CDH13: variants seen among roughly 807,000 people sequenced by gnomAD.
CDH13 encodes the protein cadherin-13.
CDH13 carries 24 observed loss-of-function variants against 63.8 expected under a neutral mutation model. The ratio of observed to expected loss-of-function variants is 0.38; its 90% CI spans 0.27 to 0.53. The LOEUF (loss-of-function observed/expected upper bound fraction) is 0.53. CDH13 is among the 20% of genes least tolerant of loss of function. CDH13 has a pLI of 0.85. For synonymous variants in CDH13, 503 were observed against 355.3 expected, an observed-to-expected ratio of 1.42 and a Z score of -4.67; for missense variants, 1,049 against 903.1, an observed-to-expected ratio of 1.16 and a Z score of -2.07.
intron 5 of CDH13, among the ~76,000 whole-genome samples, chr16:83,306,315 G>A (rs1043278364): frequency 2.6e-5 from 4 of 152,172 alleles, no homozygotes; most frequent in South Asian, 2.1e-4. Context: ...TGGGGGTGTC[G>A]GGAGCGGGGA....
At chr16:83,616,932 T>A (rs1018182662) in intron 8 of CDH13, among the ~76,000 whole-genome samples, 2 of 152,198 alleles carry the variant, frequency 1.3e-5, no homozygotes, top group African/African-American at 2.4e-5. Flanking sequence ...CACACTCTGT[T>A]CCCTTCTTCC....
At chr16:83,102,134 T>G (rs1446781265) in intron 3 of CDH13, among the ~76,000 whole-genome samples, 1 of 152,164 alleles carries the variant, frequency 6.6e-6, no homozygotes, top group Non-Finnish European at 1.5e-5. Context: ...AGCCAAGGAA[T>G]GCAGGCAGCC....
chr16:83,211,766 C>G (rs542045305), intron 4 of CDH13, among the ~76,000 whole-genome samples: 40 of 151,392 alleles, frequency 2.6e-4, no homozygotes, highest in African/African-American at 9.3e-4. Flanking sequence ...CTCCCCCCCC[C>G]AAACAGCCAG....
chr16:82,866,885 T>G (rs1051941172), intron 2 of CDH13, among the ~76,000 whole-genome samples: 3 of 152,166 alleles, frequency 2.0e-5, no homozygotes, highest in Non-Finnish European at 4.4e-5. Context: ...CCTCCATGAT[T>G]CAATGACCTC....
chr16:82,777,174 A>G (rs374467163), intron 1 of CDH13, among the ~76,000 whole-genome samples: 32 of 152,184 alleles, frequency 2.1e-4, no homozygotes, highest in African/African-American at 7.0e-4. Context: ...TCACTGTGTT[A>G]CCCAGAGTGG....
intron 3 of CDH13, among the ~76,000 whole-genome samples, chr16:83,057,298 G>A (rs1232200058): frequency 6.6e-6 from 1 of 152,122 alleles, no homozygotes; most frequent in African/African-American, 2.4e-5. Flanking sequence ...CCTGAGAACA[G>A]ACTAATACTT....
At chr16:83,344,837 T>TC in intron 5 of CDH13, 25 bp from the exon 6 acceptor site, 1 of 1,611,180 alleles carries the variant, frequency 6.2e-7, no homozygotes, top group Non-Finnish European at 8.5e-7. Context: ...ATCTTCTTTC[T>TC]CCCCCAATCT....
chr16:83,420,397 A>G (rs1215829359), intron 6 of CDH13, among the ~76,000 whole-genome samples: 1 of 152,146 alleles, frequency 6.6e-6, no homozygotes, highest in African/African-American at 2.4e-5. Context: ...CAAAGGAAAA[A>G]TTGTTCAGTA....
At chr16:83,535,037 A>G (rs1256327547) in intron 7 of CDH13, among the ~76,000 whole-genome samples, 2 of 152,250 alleles carry the variant, frequency 1.3e-5, no homozygotes, top group Non-Finnish European at 2.9e-5. Context: ...TTTGCCATAT[A>G]AGGTAACACT....
chr16:83,260,097 T>TGCGCAC (rs1358317107), intron 5 of CDH13, among the ~76,000 whole-genome samples: 9 of 126,476 alleles, frequency 7.1e-5, no homozygotes, highest in African/African-American at 2.6e-4. Flanking sequence ...GTACCCCCAA[T>TGCGCAC]ACACACACAC....
chr16:83,777,096 G>T (rs987729039), intron 11 of CDH13, among the ~76,000 whole-genome samples: 2 of 152,182 alleles, frequency 1.3e-5, no homozygotes, highest in Non-Finnish European at 2.9e-5. Context: ...CTGCTTTCCT[G>T]CTCGAGCTGC....
chr16:83,603,398 T>A (rs1309557464), intron 8 of CDH13, among the ~76,000 whole-genome samples: 1 of 152,210 alleles, frequency 6.6e-6, no homozygotes, highest in Non-Finnish European at 1.5e-5. Context: ...CTGAGATCTG[T>A]TGCCTGATTT....
At chr16:83,150,849 C>T (rs2036948997) in intron 4 of CDH13, among the ~76,000 whole-genome samples, 1 of 152,162 alleles carries the variant, frequency 6.6e-6, no homozygotes, top group South Asian at 2.1e-4. Context: ...CATGACTGGC[C>T]CTTCCCCTTA....
intron 5 of CDH13, among the ~76,000 whole-genome samples, chr16:83,327,925 G>T (rs1218953868): frequency 6.6e-6 from 1 of 152,198 alleles, no homozygotes; most frequent in East Asian, 1.9e-4. Context: ...GAAGTCAGGA[G>T]ATCGAGACCA....
chr16:83,326,666 T>C (rs548112653), intron 5 of CDH13, among the ~76,000 whole-genome samples: 2 of 152,258 alleles, frequency 1.3e-5, no homozygotes, highest in South Asian at 2.1e-4. Context: ...ATATTTACAC[T>C]TTGTCTCTGC....
rs189245138 is a variant in CDH13 at position 83,024,122 on chromosome 16, A to C, written c.158-7888A>C. 5.6e-4 allele frequency among the ~76,000 whole-genome samples: 86 copies of C among 152,296 alleles called. 2 individuals carry two copies. The highest frequency in any genetic ancestry group is 1.9e-3 in the African/African-American group (81 of 41,572). ...AGTGGATGCAGGCATGAATTTGTCTAACTGAGGGTTGGATGGCAAGGAATG... is the reference window on the plus strand; with the variant it reads ...AGTGGATGCAGGCATGAATTTGTCTCACTGAGGGTTGGATGGCAAGGAATG... On this transcript the variant is annotated intron_variant, in intron 2 of 13. Coordinates refer to ENST00000567109, the MANE Select transcript of CDH13 (RefSeq NM_001257.5).
intron 1 of CDH13, among the ~76,000 whole-genome samples, chr16:82,795,411 C>G (rs2036533197): frequency 6.6e-6 from 1 of 152,180 alleles, no homozygotes; most frequent in African/African-American, 2.4e-5. Context: ...TCAGCCAATG[C>G]ATCAACCTGG....
intron 5 of CDH13, among the ~76,000 whole-genome samples, chr16:83,230,508 C>T (rs565034909): frequency 6.6e-5 from 10 of 152,206 alleles, no homozygotes; most frequent in South Asian, 2.1e-4. Context: ...TGTCCCAGGC[C>T]GGCACGGTGG....
chr16:83,793,625 C>T (rs536431916), intron 13 of CDH13, among the ~76,000 whole-genome samples: 63 of 152,232 alleles, frequency 4.1e-4, no homozygotes, highest in Admixed American at 9.2e-4. Flanking sequence ...TACTCTTCAT[C>T]CTAATCCCTG....
Sources: allele counts gnomAD v4.1 joint callset (sites outside exome capture counted in the v4.1 genomes callset), GRCh38; gene constraint gnomAD v4.1.1; transcripts MANE v1.5; gene names NCBI Gene and HGNC (gene_info 2026-07-23, HGNC 2026-07-21).